PLEKHA1: variants seen among roughly 807,000 people sequenced by gnomAD.
PLEKHA1 encodes the protein pleckstrin homology domain containing A1, also known as pleckstrin homology domain-containing family A member 1.
A neutral mutation model predicts 52.0 loss-of-function variants in PLEKHA1; 34 were observed. The observed-to-expected ratio is 0.65, with a 90% CI of 0.50 to 0.87. The LOEUF (loss-of-function observed/expected upper bound fraction) is 0.87, where lower values mean the gene tolerates loss of function less well. Among genes scored for constraint, PLEKHA1 ranks in the 40% least tolerant of loss-of-function variants. The probability of loss-of-function intolerance (pLI) is 0.00; values close to 1 mark genes in which losing one functional copy is unlikely to be tolerated. For missense variants in PLEKHA1, 497 were observed against 504.2 expected (o/e 0.99, Z 0.14); for synonymous variants, 163 against 170.7 (o/e 0.95, Z 0.35).
chr10:122,377,351 A>C (rs1314346000), intron 1 of PLEKHA1, among the ~76,000 whole-genome samples: 2 of 152,152 alleles, frequency 1.3e-5, no homozygotes, highest in African/African-American at 2.4e-5. Context: ...TACTTTTCTC[A>C]TGCTGGAGCA....
chr10:122,397,336 C>T (rs4752692), intron 2 of PLEKHA1, among the ~76,000 whole-genome samples: 14,161 of 151,886 alleles, frequency 0.093, 786 homozygotes, highest in Middle Eastern at 0.17. Context: ...CTGAAACTTA[C>T]GGGAAGAATG....
At chr10:122,388,662 G>A (rs1485113140) in intron 1 of PLEKHA1, among the ~76,000 whole-genome samples, 1 of 152,140 alleles carries the variant, frequency 6.6e-6, no homozygotes, top group Non-Finnish European at 1.5e-5. Context: ...TGTAAAAAAT[G>A]TATATACTAT....
the PLEKHA1 span, chr10:122,439,935 A>AT: frequency 6.6e-6 from 1 of 152,278 alleles, no homozygotes; most frequent in South Asian, 2.1e-4. Context: ...AAAATTATAC[A>AT]TTTTATCTAA....
downstream of PLEKHA1, chr10:122,434,486 A>G (rs563618222): frequency 3.3e-5 from 5 of 152,214 alleles, no homozygotes; most frequent in East Asian, 9.6e-4. Flanking sequence ...TTCATTTTCT[A>G]CATTATATAA....
chr10:122,429,818 A>G lies in PLEKHA1; in HGVS notation c.1095A>G (p.Glu365=), dbSNP rs1011327649. The G allele has an allele frequency of 1.2e-6, 2 of 1,614,220 alleles. No homozygotes were observed. Among genetic ancestry groups the G allele is most frequent in the Non-Finnish European group, 8.5e-7 (1 of 1,180,040 alleles). ...NFKVQTVSPR[E]PASKVTEQAL... is the part of the protein sequence containing the mutation. The stretch of plus-strand genomic sequence containing the variant: ...AGGTCCAGACTGTCTCTCCAAGAGA[A>G]CCAGCTTCCAAAGTGACTGAACAAG... The change falls in exon 12 of 12, where the codon GAA becomes GAG. Residue 365 remains glutamate, a synonymous_variant. Coordinates refer to ENST00000368990, the MANE Select transcript of PLEKHA1 (RefSeq NM_001001974.4).
intron 3 of PLEKHA1, among the ~76,000 whole-genome samples, chr10:122,399,312 T>A (rs988003666): frequency 4.6e-5 from 7 of 152,142 alleles, no homozygotes; most frequent in African/African-American, 1.7e-4. Context: ...GTTCTATCAC[T>A]GGACAACAGC....
chr10:122,376,562 G>A (rs1461219375), intron 1 of PLEKHA1, among the ~76,000 whole-genome samples: 1 of 150,476 alleles, frequency 6.6e-6, no homozygotes, highest in African/African-American at 2.4e-5. Context: ...TACACACCGC[G>A]CGGGCGCGCG....
chr10:122,383,106 A>T (rs924844352), intron 1 of PLEKHA1, among the ~76,000 whole-genome samples: 2 of 152,158 alleles, frequency 1.3e-5, no homozygotes, highest in Middle Eastern at 6.3e-3. Flanking sequence ...GTATAGATTT[A>T]AAAAACTTTT....
intron 5 of PLEKHA1, among the ~76,000 whole-genome samples, chr10:122,410,072 C>G (rs758411967): frequency 1.3e-5 from 2 of 152,134 alleles, no homozygotes. Context: ...CGTGAGCCAC[C>G]GCGCCTAGCC....
In PLEKHA1 at chr10:122,429,785, G is replaced by A. The variant is rs752501285; in HGVS notation, c.1062G>A (p.Gly354=). The change falls in exon 12 of 12, where the codon GGG becomes GGA. Residue 354 remains glycine, a synonymous_variant. Transcript: ENST00000368990. ...AGTCTCTTGCCAAGGTCAAGCCAGG[G>A]AACTTCAAGGTCCAGACTGTCTCTC... ...FYESLAKVKP[G]NFKVQTVSPR... 10 of 1,614,016 alleles carry A rather than the reference G, an allele frequency of 6.2e-6. No individual in the cohort carries two copies. Among genetic ancestry groups the A allele is most frequent in the Non-Finnish European group, 5.9e-6 (7 of 1,180,038 alleles).
At position 122,424,179 on chromosome 10, in the gene PLEKHA1, T is replaced by TTG. The variant is rs774292712; in HGVS notation, c.682-19_682-18insGT. ...ATAAACATCATGTAACTGTTTTTTT[T>TTG]TTTTTTTTTTTTTTGCCAGGAAAAG... On this transcript the variant is annotated intron_variant, in intron 8 of 11. Transcript: ENST00000368990. 6.2e-6 allele frequency: 9 copies of TTG among 1,444,484 alleles called. No individual in the cohort carries two copies. The South Asian group carries it at 9.4e-5, about 15-fold the overall frequency. The allele number at this position is 1,444,484 out of a possible 1,614,324, so 89.5% of individuals were successfully genotyped here.
intron 4 of PLEKHA1, among the ~76,000 whole-genome samples, chr10:122,402,745 G>A (rs2096948434): frequency 1.3e-5 from 2 of 152,224 alleles, no homozygotes; most frequent in Admixed American, 6.5e-5. Context: ...GTAATGGGAT[G>A]TGTGGTGTCT....
chr10:122,380,449 C>T (rs1412686523), intron 1 of PLEKHA1, among the ~76,000 whole-genome samples: 5 of 152,090 alleles, frequency 3.3e-5, no homozygotes, highest in Admixed American at 6.6e-5. Context: ...AGTAGCAAAA[C>T]GGTTTGGAGG....
intron 4 of PLEKHA1, among the ~76,000 whole-genome samples, chr10:122,406,262 A>T (rs1015002747): frequency 6.6e-6 from 1 of 152,236 alleles, no homozygotes; most frequent in African/African-American, 2.4e-5. Flanking sequence ...AAGTGTGGAG[A>T]AATATATGTA....
rs1367815357 is a variant in PLEKHA1, at chr10:122,429,729, A to G, written c.1006A>G (p.Thr336Ala). ...TASRSNSLVS[T>A]FTMEKRGFYE... ...CTCTCGCAGCAACTCTTTGGTCTCAACCTTTACCATGGAGAAGCGAGGATT... is the reference window on the plus strand; with the variant it reads ...CTCTCGCAGCAACTCTTTGGTCTCAGCCTTTACCATGGAGAAGCGAGGATT... The change falls in exon 12 of 12, where the codon ACC becomes GCC. Residue 336 changes from threonine (T) to alanine (A), a missense_variant. By Grantham distance (58) the Thr-to-Ala change is moderately conservative. Transcript: ENST00000368990. 21 of 1,613,936 alleles carry G rather than the reference A, an allele frequency of 1.3e-5. No individual in the cohort carries two copies. Among genetic ancestry groups the G allele is most frequent in the Admixed American group, 3.3e-5 (2 of 59,992 alleles).
At chr10:122,396,568 AT>A (rs553558263) in intron 2 of PLEKHA1, among the ~76,000 whole-genome samples, 95 of 152,224 alleles carry the variant, frequency 6.2e-4, no homozygotes, top group African/African-American at 2.1e-3. Flanking sequence ...CCTGTCAACA[AT>A]AAGCAGTTCA....
rs1205525024 is a variant in PLEKHA1 at position 122,430,182 on chromosome 10, T to C, written c.*244T>C. On this transcript the variant is annotated 3_prime_UTR_variant, in exon 12 of 12. Transcript: ENST00000368990. ...TCAGTATCATCTGTCTGAAGCATTG[T>C]GTGTTCTCATTCGGGTGGTAACAAT... 2 of 402,130 alleles carry C rather than the reference T, an allele frequency of 5.0e-6. No homozygotes were observed. The highest frequency in any genetic ancestry group is 8.7e-6 in the Non-Finnish European group (2 of 229,214). The allele number at this position is 402,130 out of a possible 1,614,324, so 24.9% of individuals were successfully genotyped here. A position where few individuals can be genotyped will look rare whatever the true frequency, so the allele number is the denominator to read the frequency against.
intron 5 of PLEKHA1, among the ~76,000 whole-genome samples, chr10:122,407,107 C>G (rs1565230652): frequency 6.6e-6 from 1 of 151,716 alleles, no homozygotes; most frequent in Non-Finnish European, 1.5e-5. Flanking sequence ...AGGAGCAGGA[C>G]AAGGGGAGAT....
intron 1 of PLEKHA1, among the ~76,000 whole-genome samples, chr10:122,385,350 T>C (rs2096675648): frequency 7.5e-6 from 1 of 133,214 alleles, no homozygotes; most frequent in Non-Finnish European, 1.6e-5. Flanking sequence ...GGAGTTTCGC[T>C]CTTGCTGCTC....
Sources: gnomAD v4.1 joint callset for allele counts (sites outside exome capture counted in the v4.1 genomes callset) on GRCh38, gnomAD v4.1.1 for gene constraint, MANE v1.5 for transcripts, NCBI Gene and HGNC (gene_info 2026-07-23, HGNC 2026-07-21) for gene names.